The following DKK2 variants were observed in gnomAD, a reference collection of about 807,000 sequenced individuals.
DKK2 encodes the protein dickkopf Wnt signaling pathway inhibitor 2.
In DKK2, 11 loss-of-function variants were observed where a neutral mutation model predicts 28.1. The ratio of observed to expected loss-of-function variants is 0.39; its 90% CI spans 0.25 to 0.65. The LOEUF is 0.65. Among genes scored for constraint, DKK2 ranks in the 30% least tolerant of loss-of-function variants. DKK2 has a pLI of 0.47. For missense variants in DKK2, 326 were observed against 335.5 expected (o/e 0.97, Z 0.22); for synonymous variants, 135 against 126.5 (o/e 1.07, Z -0.45).
chr4:106,947,675 CTT>C (rs556558001), intron 1 of DKK2, among the ~76,000 whole-genome samples: 35 of 136,108 alleles, frequency 2.6e-4, no homozygotes, highest in Admixed American at 3.0e-4. Flanking sequence ...TTCTTTCTTT[CTT>C]TTTTTTTTTT....
chr4:106,991,662 C>T (rs189307657), intron 1 of DKK2, among the ~76,000 whole-genome samples: 28 of 152,290 alleles, frequency 1.8e-4, no homozygotes, highest in Admixed American at 6.5e-4. Flanking sequence ...ACAGTGTTTT[C>T]GTTTTATGCT....
At position 107,014,067 on chromosome 4, in the gene DKK2, A is replaced by C. The variant is rs963705398; in HGVS notation, c.222+21303T>G. 2.0e-5 allele frequency among the ~76,000 whole-genome samples: 3 copies of C among 151,666 alleles called. No homozygotes were observed. In the South Asian group the frequency reaches 6.2e-4, roughly 31 times the overall value. On this transcript the variant is annotated intron_variant, in intron 1 of 3. Coordinates refer to ENST00000285311, the MANE Select transcript of DKK2 (RefSeq NM_014421.3). ...TGAAAATTAATGCAGCCATTATAAC[A>C]AACAGTATGGAGTTCCCTCAGAAAA...
intron 1 of DKK2, among the ~76,000 whole-genome samples, chr4:107,025,494 A>G (rs577019230): frequency 2.8e-4 from 42 of 152,242 alleles, no homozygotes; most frequent in African/African-American, 9.1e-4. Context: ...CAGAATCACA[A>G]TGTAAAATAT....
At chr4:106,929,580 AAAAC>A (rs1408342276) in intron 1 of DKK2, among the ~76,000 whole-genome samples, 1 of 152,208 alleles carries the variant, frequency 6.6e-6, no homozygotes. Context: ...TCAGGCCAAA[AAAAC>A]AAAGACATTT....
intron 1 of DKK2, among the ~76,000 whole-genome samples, chr4:107,003,319 A>C (rs1015575818): frequency 5.3e-5 from 8 of 152,224 alleles, no homozygotes; most frequent in African/African-American, 1.7e-4. Context: ...TCTGCACATC[A>C]GGACCACTAC....
chr4:106,980,315 A>C (rs2110357722), intron 1 of DKK2, among the ~76,000 whole-genome samples: 1 of 152,236 alleles, frequency 6.6e-6, no homozygotes, highest in South Asian at 2.1e-4. Flanking sequence ...GTGTATGTAC[A>C]TATATACACA....
chr4:106,950,001 G>A (rs1724835429), intron 1 of DKK2, among the ~76,000 whole-genome samples: 1 of 152,148 alleles, frequency 6.6e-6, no homozygotes, highest in Non-Finnish European at 1.5e-5. Flanking sequence ...TACAGGCAAT[G>A]ACTGCTGTGT....
chr4:106,985,703 G>A (rs992056784), intron 1 of DKK2, among the ~76,000 whole-genome samples: 5 of 151,802 alleles, frequency 3.3e-5, no homozygotes, highest in African/African-American at 9.7e-5. Context: ...CAACTATACA[G>A]GAGACTGAGG....
intron 1 of DKK2, among the ~76,000 whole-genome samples, chr4:106,981,324 T>G (rs1487547731): frequency 2.6e-5 from 4 of 152,222 alleles, no homozygotes; most frequent in Admixed American, 2.6e-4. Context: ...AAGATTTTTC[T>G]TAGAAAGCAA....
chr4:106,945,215 G>A (rs1273138493), intron 1 of DKK2, among the ~76,000 whole-genome samples: 6 of 152,086 alleles, frequency 3.9e-5, no homozygotes, highest in Admixed American at 3.9e-4. Context: ...AATTGGAACT[G>A]TACTTTTATT....
chr4:106,928,883 C>T (rs373375375), intron 1 of DKK2, among the ~76,000 whole-genome samples: 89 of 152,194 alleles, frequency 5.8e-4, no homozygotes, highest in African/African-American at 2.1e-3. Context: ...ACATTAGCCC[C>T]TCTAAAGTTT....
At chr4:107,021,739 G>T (rs1723695419) in intron 1 of DKK2, among the ~76,000 whole-genome samples, 1 of 152,050 alleles carries the variant, frequency 6.6e-6, no homozygotes, top group Non-Finnish European at 1.5e-5. Flanking sequence ...AGGGAACAGT[G>T]AGTCATTTAC....
At chr4:106,935,724 G>C (rs1329292890) in intron 1 of DKK2, among the ~76,000 whole-genome samples, 1 of 152,202 alleles carries the variant, frequency 6.6e-6, no homozygotes, top group Non-Finnish European at 1.5e-5. Flanking sequence ...CTGTCTGACA[G>C]CTTTGAAGAG....
chr4:106,977,637 C>G (rs1338925926), intron 1 of DKK2, among the ~76,000 whole-genome samples: 1 of 152,154 alleles, frequency 6.6e-6, no homozygotes, highest in Admixed American at 6.6e-5. Flanking sequence ...AGCAATTTCT[C>G]TAACCTTTTT....
chr4:106,999,747 A>G (rs759058179), intron 1 of DKK2, among the ~76,000 whole-genome samples: 3 of 152,210 alleles, frequency 2.0e-5, no homozygotes, highest in Non-Finnish European at 2.9e-5. Flanking sequence ...CTACATAACA[A>G]AAAAATAGAT....
chr4:106,937,956 C>T (rs1099783), intron 1 of DKK2, among the ~76,000 whole-genome samples: 65,108 of 140,012 alleles, frequency 0.47, 16,338 homozygotes, highest in African/African-American at 0.69. Context: ...ATCTCTGGGA[C>T]GCATTCAAAG....
intron 1 of DKK2, among the ~76,000 whole-genome samples, chr4:106,955,467 T>C (rs1722577144): frequency 6.6e-6 from 1 of 152,186 alleles, no homozygotes; most frequent in African/African-American, 2.4e-5. Flanking sequence ...AGTGTGTCTG[T>C]TGGCTAATTG....
chr4:107,009,535 G>A (rs932369706), intron 1 of DKK2, among the ~76,000 whole-genome samples: 2 of 151,904 alleles, frequency 1.3e-5, no homozygotes, highest in East Asian at 3.9e-4. Flanking sequence ...GAGGAGAGAA[G>A]ATGAGTTTTT....
At chr4:106,942,062 CTA>C (rs1252202504) in intron 1 of DKK2, among the ~76,000 whole-genome samples, 1 of 152,074 alleles carries the variant, frequency 6.6e-6, no homozygotes, top group African/African-American at 2.4e-5. Flanking sequence ...GAGAAAGACT[CTA>C]TCAAAATGTT....
Sources: gnomAD v4.1 joint callset for allele counts (sites outside exome capture counted in the v4.1 genomes callset) on GRCh38, gnomAD v4.1.1 for gene constraint, MANE v1.5 for transcripts, NCBI Gene and HGNC (gene_info 2026-07-23, HGNC 2026-07-21) for gene names.